Variants in GPC1 observed in about 807,000 individuals in gnomAD.
GPC1 encodes the protein glypican 1.
A neutral mutation model predicts 51.5 loss-of-function variants in GPC1; 26 were observed. That is an observed-to-expected ratio of 0.50 (90% CI 0.37 to 0.70). The LOEUF (loss-of-function observed/expected upper bound fraction) is 0.70. GPC1 is among the 30% of genes least tolerant of loss of function. The probability of loss-of-function intolerance (pLI) is 0.00; values close to 1 mark genes in which losing one functional copy is unlikely to be tolerated. For synonymous variants in GPC1, 380 were observed against 348.3 expected (o/e 1.09, Z -1.01); for missense variants, 775 against 800.5 (o/e 0.97, Z 0.38).
chr2:240,447,907 G>A (rs573079529), intron 1 of GPC1, among the ~76,000 whole-genome samples: 2 of 152,274 alleles, frequency 1.3e-5, no homozygotes, highest in African/African-American at 2.4e-5. Context: ...TGTCACCGGC[G>A]CAGCTGCTTC....
In GPC1 at chr2:240,442,123, C is replaced by T. The variant is rs925118541; in HGVS notation, c.166+6039C>T. 1.2e-4 allele frequency among the ~76,000 whole-genome samples: 18 copies of T among 152,340 alleles called. No homozygotes were observed. In the East Asian group the frequency reaches 3.1e-3, roughly 26 times the overall value. ...CCTTTCTGGCACACCTGTCCCCTCC[C>T]TCCACGGTGTCCTCCCTGTGCCCAC... On this transcript the variant is annotated intron_variant, in intron 1 of 8. Transcript: ENST00000264039.
chr2:240,459,251 CTGGGCCTTGCCTGGTGTG>C lies in GPC1; in HGVS notation c.325+65_325+82del. 2.0e-6 allele frequency: 3 copies of C among 1,470,632 alleles called. No homozygotes were observed. The South Asian group carries it at 3.6e-5, about 18-fold the overall frequency. 91.1% of individuals were successfully genotyped at this position (1,470,632 alleles called of 1,614,324 possible). ...GCCGGTGCATCGGGGGAGGGGCACA[CTGGGCCTTGCCTGGTGTG>C]TCAATGCCAAGGGTGGGGGATTGGC... On this transcript the variant is annotated intron_variant, in intron 2 of 8. Coordinates refer to ENST00000264039, the MANE Select transcript of GPC1 (RefSeq NM_002081.3).
At chr2:240,457,074 G>A (rs898121042) in intron 1 of GPC1, among the ~76,000 whole-genome samples, 5 of 152,100 alleles carry the variant, frequency 3.3e-5, no homozygotes, top group Non-Finnish European at 7.4e-5. Flanking sequence ...TGCCATTCCC[G>A]CTCTGTCTGC....
chr2:240,444,606 C>T (rs955867362), intron 1 of GPC1, among the ~76,000 whole-genome samples: 1 of 152,248 alleles, frequency 6.6e-6, no homozygotes, highest in Non-Finnish European at 1.5e-5. Context: ...GCAGTGGGAC[C>T]TGTAGGGAAG....
In GPC1 at chr2:240,462,206, T is replaced by G. The variant is rs1481807566; in HGVS notation, c.341T>G (p.Leu114Arg). ...CTGTGCGCAGACCACTTCCAGCACC[T>G]GCTGAACGACTCGGAGCGGACGCTG... is the stretch of plus-strand genomic sequence containing the variant. ...LRSFDDHFQH[L>R]LNDSERTLQA... Residue 114 changes from leucine to arginine, a missense_variant, in exon 3 of 9, where the codon CTG becomes CGG. Physicochemically the swap from Leu to Arg is moderately radical, Grantham distance 102 (BLOSUM62 -2). Coordinates refer to ENST00000264039, the MANE Select transcript of GPC1 (RefSeq NM_002081.3). 1.3e-6 allele frequency: 2 copies of G among 1,599,456 alleles called. No individual in the cohort carries two copies. The highest frequency in any genetic ancestry group is 1.3e-5 in the African/African-American group (1 of 74,810).
intron 1 of GPC1, chr2:240,457,825 C>A (rs971178150): frequency 1.5e-5 from 5 of 330,988 alleles, no homozygotes; most frequent in Non-Finnish European, 3.1e-5. Flanking sequence ...TTCCAGCCAC[C>A]CTGGCCCAGG....
At position 240,462,475 on chromosome 2, in the gene GPC1, G is replaced by A. The variant is rs753373734; in HGVS notation, c.610G>A (p.Glu204Lys). Residue 204 changes from glutamate to lysine, a missense_variant, in exon 3 of 9, where the codon GAG becomes AAG. Transcript: ENST00000264039. ...GGCCGAGGCGCTGCGGCCCTTCGGG[G>A]AGGCCCCGAGAGAGCTGCGCCTGCG... is the stretch of plus-strand genomic sequence containing the variant. ...KQAEALRPFG[E>K]APRELRLRAT... 2 of 1,601,578 alleles carry A rather than the reference G, an allele frequency of 1.2e-6. No individual in the cohort carries two copies. Among genetic ancestry groups the A allele is most frequent in the African/African-American group, 2.7e-5 (2 of 74,718 alleles).
chr2:240,464,444 T>TGG (rs1355602731), intron 4 of GPC1, 172 bp from the exon 5 acceptor site: 1 of 754,364 alleles, frequency 1.3e-6, no homozygotes, highest in Non-Finnish European at 2.2e-6. Flanking sequence ...TGAGTGCACG[T>TGG]GGCCTGCACA....
intron 1 of GPC1, among the ~76,000 whole-genome samples, chr2:240,455,322 T>G (rs1216158618): frequency 6.6e-6 from 1 of 152,030 alleles, no homozygotes; most frequent in Non-Finnish European, 1.5e-5. Context: ...GAAGGATGGG[T>G]CGGCTACAGC....
At chr2:240,447,503 C>T (rs1559195556) in intron 1 of GPC1, among the ~76,000 whole-genome samples, 1 of 152,244 alleles carries the variant, frequency 6.6e-6, no homozygotes. Flanking sequence ...TCCCCATGGA[C>T]CTCGGGTTCC....
chr2:240,444,065 G>A (rs1040237830), intron 1 of GPC1, among the ~76,000 whole-genome samples: 2 of 152,200 alleles, frequency 1.3e-5, no homozygotes, highest in African/African-American at 2.4e-5. Flanking sequence ...GAGGGGCACC[G>A]GGAGCGCACA....
At chr2:240,452,950 T>A in intron 1 of GPC1, 1 of 311,304 alleles carries the variant, frequency 3.2e-6, no homozygotes, top group Non-Finnish European at 6.4e-6. Flanking sequence ...CTCCGCCGCC[T>A]TTCCCCGGCC....
At chr2:240,438,558 G>A (rs1210349227) in intron 1 of GPC1, among the ~76,000 whole-genome samples, 1 of 152,212 alleles carries the variant, frequency 6.6e-6, no homozygotes, top group African/African-American at 2.4e-5. Flanking sequence ...GACCTCCTCA[G>A]AGGGAATGCG....
intron 1 of GPC1, chr2:240,456,772 G>A: frequency 5.4e-6 from 2 of 373,628 alleles, no homozygotes; most frequent in Admixed American, 6.4e-5. Context: ...CCCCCACGGG[G>A]GTGGGACTGG....
intron 1 of GPC1, among the ~76,000 whole-genome samples, chr2:240,440,894 G>A (rs547715862): frequency 9.2e-5 from 14 of 152,354 alleles, no homozygotes; most frequent in African/African-American, 3.1e-4. Context: ...CACTGCCTGT[G>A]GGGGGCAGGA....
intron 1 of GPC1, chr2:240,453,049 A>G: frequency 3.0e-6 from 1 of 338,964 alleles, no homozygotes; most frequent in Non-Finnish European, 5.8e-6. Flanking sequence ...CCGCGCTGGA[A>G]GCCAGGCCCG....
At position 240,453,328 on chromosome 2, in the gene GPC1, TCCCA is replaced by T. The variant is rs2074121393; in HGVS notation, c.167-5699_167-5696del. 7.8e-4 allele frequency among the ~76,000 whole-genome samples: 6 copies of T among 7,700 alleles called. 1 individual carries two copies. The highest frequency in any genetic ancestry group is 1.4e-3 in the Non-Finnish European group (6 of 4,250). 5.1% of individuals were successfully genotyped at this position (7,700 alleles called of 152,430 possible). ...GCCCCGCTCCCACCGCCCGCCCCGC[TCCCA>T]CCGCCCGCCCCGCTCCCACCGCCCG... On this transcript the variant is annotated intron_variant, in intron 1 of 8. Coordinates refer to ENST00000264039, the MANE Select transcript of GPC1 (RefSeq NM_002081.3).
chr2:240,454,975 G>A (rs916999809), intron 1 of GPC1: 6 of 228,630 alleles, frequency 2.6e-5, no homozygotes, highest in African/African-American at 4.8e-5. Context: ...AGGAAACTGC[G>A]GGGTGGGGAC....
At chr2:240,465,356 G>A (rs575460277) in intron 7 of GPC1, 117 bp from the exon 8 acceptor site, 25 of 1,342,712 alleles carry the variant, frequency 1.9e-5, no homozygotes, top group Middle Eastern at 2.5e-4. Context: ...GGCTCTGCTC[G>A]GTCCCTGGAA....
Sources: allele counts gnomAD v4.1 joint callset (sites outside exome capture counted in the v4.1 genomes callset), GRCh38; gene constraint gnomAD v4.1.1; transcripts MANE v1.5; gene names NCBI Gene and HGNC (gene_info 2026-07-23, HGNC 2026-07-21).